The following IQCE variants were observed in gnomAD, a reference collection of about 807,000 sequenced individuals.
The protein encoded by IQCE is IQ domain-containing protein E.
IQCE carries 115 observed loss-of-function variants against 96.0 expected under a neutral mutation model. The observed-to-expected ratio is 1.20, with a 90% CI of 1.03 to 1.40. IQCE has a LOEUF of 1.40. IQCE is among the 40% of genes most tolerant of loss of function. The pLI, the probability that IQCE is intolerant of heterozygous loss-of-function variation, is 0.00. For synonymous variants in IQCE, 412 were observed against 371.2 expected, an observed-to-expected ratio of 1.11 and a Z score of -1.26; for missense variants, 1,041 against 909.1, an observed-to-expected ratio of 1.15 and a Z score of -1.87.
intron 6 of IQCE, among the ~76,000 whole-genome samples, 153 bp from the exon 7 acceptor site, chr7:2,578,089 C>T (rs1238649978): frequency 6.8e-6 from 1 of 147,670 alleles, no homozygotes; most frequent in East Asian, 2.0e-4. Flanking sequence ...GTGTGTGCGG[C>T]GTGCGCGCAG....
At chr7:2,584,853 T>C (rs940401843) in intron 11 of IQCE, among the ~76,000 whole-genome samples, 1 of 152,230 alleles carries the variant, frequency 6.6e-6, no homozygotes. Flanking sequence ...TGGAAAACTT[T>C]TTCTGTAAAG....
chr7:2,580,604 C>A (rs1358812061), intron 8 of IQCE, among the ~76,000 whole-genome samples: 1 of 151,522 alleles, frequency 6.6e-6, no homozygotes, highest in Non-Finnish European at 1.5e-5. Context: ...AAGAGTGAAA[C>A]TCTGTCTCAA....
chr7:2,565,708 C>A (rs1781320944), intron 1 of IQCE, among the ~76,000 whole-genome samples: 1 of 152,130 alleles, frequency 6.6e-6, no homozygotes, highest in South Asian at 2.1e-4. Flanking sequence ...TGCATAATTT[C>A]AATACACTTT....
intron 6 of IQCE, among the ~76,000 whole-genome samples, chr7:2,577,611 C>T (rs867974694): frequency 2.2e-5 from 2 of 91,232 alleles, no homozygotes; most frequent in African/African-American, 9.0e-5. Flanking sequence ...TGGCTGTGCG[C>T]GCGGGGACGT....
In IQCE at chr7:2,583,660, C is replaced by CT; in HGVS notation, c.726dup (p.Thr243TyrfsTer28). On this transcript the variant is annotated frameshift_variant, in exon 10 of 22. Transcript: ENST00000402050. LOFTEE classifies it high-confidence loss of function. ...AGCAAACTCCAGACCGATATGAAGA[C>CT]TACCAACCTGGAAGAGATGCGGATC... The CT allele has an allele frequency of 6.3e-7, 1 of 1,592,384 alleles. No homozygotes were observed. The highest frequency in any genetic ancestry group is 1.1e-5 in the South Asian group (1 of 90,710).
At chr7:2,576,024 C>G (rs1782097552) in intron 6 of IQCE, among the ~76,000 whole-genome samples, 1 of 152,240 alleles carries the variant, frequency 6.6e-6, no homozygotes, top group South Asian at 2.1e-4. Flanking sequence ...ACTGCTGGGC[C>G]TTCGCTAATT....
intron 18 of IQCE, among the ~76,000 whole-genome samples, chr7:2,604,495 G>A (rs1349410527): frequency 6.6e-6 from 1 of 152,200 alleles, no homozygotes; most frequent in Non-Finnish European, 1.5e-5. Flanking sequence ...TGATTTAGAA[G>A]ACATCTATGG....
Position 2,559,193 on chromosome 7 carries a change from C to T in IQCE, c.12C>T (p.Gly4=). 8.2e-7 allele frequency: 1 copy of T among 1,216,802 alleles called. No individual in the cohort carries two copies. Among genetic ancestry groups the T allele is most frequent in the Non-Finnish European group, 1.0e-6 (1 of 977,462 alleles). 75.4% of individuals were successfully genotyped at this position (1,216,802 alleles called of 1,614,324 possible). The change falls in exon 1 of 22, where the codon GGC becomes GGT. Residue 4 remains glycine (G), a synonymous_variant. Transcript: ENST00000402050. ...GCAGCGCCGCCACCATGTTCCTGGG[C>T]ACCGGGGAGCCGGCCTTGGACACGG... MFL[G]TGEPALDTGD... is the part of the protein sequence containing the mutation.
intron 5 of IQCE, 102 bp from the exon 6 acceptor site, chr7:2,573,316 A>T: frequency 1.5e-6 from 1 of 659,088 alleles, no homozygotes; most frequent in Non-Finnish European, 2.7e-6. Context: ...CTTCTTTTTT[A>T]AAAGGAAATG....
intron 21 of IQCE, 106 bp downstream of exon 21, chr7:2,607,333 G>A: frequency 6.6e-7 from 1 of 1,510,984 alleles, no homozygotes; most frequent in South Asian, 1.3e-5. Context: ...GGACGGAAGG[G>A]AGGAGTGTCC....
chr7:2,567,477 A>G (rs1781464621), intron 2 of IQCE, among the ~76,000 whole-genome samples: 1 of 152,076 alleles, frequency 6.6e-6, no homozygotes, highest in Non-Finnish European at 1.5e-5. Flanking sequence ...GGAGGAGGAG[A>G]GCCCCTGCTA....
At chr7:2,589,469 A>G (rs1326305032) in intron 13 of IQCE, among the ~76,000 whole-genome samples, 1 of 152,226 alleles carries the variant, frequency 6.6e-6, no homozygotes, top group Admixed American at 6.5e-5. Flanking sequence ...CAGCACGTCC[A>G]AGATCCGGGA....
intron 11 of IQCE, chr7:2,584,488 G>T: frequency 1.6e-6 from 1 of 610,072 alleles, no homozygotes; most frequent in African/African-American, 1.8e-5. Flanking sequence ...GTGACCACGT[G>T]TTGATGGCCA....
intron 3 of IQCE, among the ~76,000 whole-genome samples, chr7:2,569,785 C>T (rs1484258706): frequency 6.6e-6 from 1 of 152,086 alleles, no homozygotes; most frequent in Non-Finnish European, 1.5e-5. Flanking sequence ...AAGTATATGA[C>T]GCACTCAGAG....
intron 3 of IQCE, among the ~76,000 whole-genome samples, chr7:2,569,898 G>T (rs1451256407): frequency 6.6e-6 from 1 of 152,168 alleles, no homozygotes; most frequent in African/African-American, 2.4e-5. Flanking sequence ...ATAAACACTA[G>T]AAGGAAATCA....
intron 6 of IQCE, 82 bp from the exon 7 acceptor site, chr7:2,578,160 C>T (rs1222858967): frequency 4.4e-5 from 46 of 1,054,756 alleles, no homozygotes; most frequent in Admixed American, 1.7e-4. Context: ...TTGGCGTGTG[C>T]GTGGCTGTGT....
At chr7:2,560,952 T>C (rs537360404) in intron 1 of IQCE, among the ~76,000 whole-genome samples, 110 of 118,178 alleles carry the variant, frequency 9.3e-4, no homozygotes, top group Non-Finnish European at 1.1e-3. Flanking sequence ...TGAGACTCTG[T>C]CTCAAAAAAA....
chr7:2,594,500 T>C (rs1287072689), intron 15 of IQCE, among the ~76,000 whole-genome samples: 1 of 152,274 alleles, frequency 6.6e-6, no homozygotes, highest in Non-Finnish European at 1.5e-5. Flanking sequence ...GCTCAAGCGA[T>C]CCTCTGGCCT....
rs558806488 is a variant in IQCE, at chr7:2,590,978, C to T, written c.1244+872C>T. 5.3e-5 allele frequency among the ~76,000 whole-genome samples: 8 copies of T among 152,142 alleles called. No individual in the cohort carries two copies. In the South Asian group the frequency reaches 1.2e-3, roughly 24 times the overall value. On this transcript the variant is annotated intron_variant, in intron 14 of 21. Coordinates refer to ENST00000402050, the MANE Select transcript of IQCE (RefSeq NM_152558.5). The stretch of plus-strand genomic sequence containing the variant: ...ATAAAGCATAAATGCTCCAGCCTGA[C>T]GCAGTGGCTCACGCCTGTAATCCCA...
Sources: gnomAD v4.1 joint callset for allele counts (sites outside exome capture counted in the v4.1 genomes callset) on GRCh38, gnomAD v4.1.1 for gene constraint, MANE v1.5 for transcripts, NCBI Gene and HGNC (gene_info 2026-07-23, HGNC 2026-07-21) for gene names.